RBFOX1: variants seen among roughly 807,000 people sequenced by gnomAD.
RBFOX1 encodes the protein RNA binding protein fox-1 homolog 1.
A neutral mutation model predicts 57.7 loss-of-function variants in RBFOX1; 8 were observed. The ratio of observed to expected loss-of-function variants is 0.14; its 90% confidence interval spans 0.08 to 0.25. RBFOX1 has a LOEUF of 0.25. Among genes scored for constraint, RBFOX1 ranks in the 10% least tolerant of loss-of-function variants. The pLI, the probability that RBFOX1 is intolerant of heterozygous loss-of-function variation, is 1.00. For missense variants in RBFOX1, 611 were observed against 548.5 expected, an observed-to-expected ratio of 1.11 and a Z score of -1.14; for synonymous variants, 326 against 222.4, an observed-to-expected ratio of 1.47 and a Z score of -4.15.
chr16:7,523,210 T>G (rs939759519), intron 5 of RBFOX1, among the ~76,000 whole-genome samples: 1 of 152,248 alleles, frequency 6.6e-6, no homozygotes, highest in Non-Finnish European at 1.5e-5. Flanking sequence ...TGCATGGATA[T>G]GCCACAGTTT....
intron 3 of RBFOX1, among the ~76,000 whole-genome samples, chr16:6,926,692 A>C (rs565669231): frequency 2.6e-5 from 4 of 152,246 alleles, no homozygotes; most frequent in East Asian, 1.9e-4. Flanking sequence ...TAAAAATGCT[A>C]CTTAGCTCTT....
chr16:7,708,687 A>G (rs996418558), intron 14 of RBFOX1, among the ~76,000 whole-genome samples: 4 of 152,196 alleles, frequency 2.6e-5, no homozygotes, highest in African/African-American at 7.2e-5. Context: ...CTTGAGAATT[A>G]AAATACCCTC....
chr16:6,727,265 G>C (rs547859774), intron 3 of RBFOX1, among the ~76,000 whole-genome samples: 7 of 151,872 alleles, frequency 4.6e-5, no homozygotes, highest in Non-Finnish European at 8.8e-5. Context: ...GGTAATAATA[G>C]GTTAATGTAA....
intron 2 of RBFOX1, among the ~76,000 whole-genome samples, chr16:6,489,112 T>G (rs1376398665): frequency 1.3e-5 from 2 of 152,164 alleles, no homozygotes; most frequent in African/African-American, 4.8e-5. Flanking sequence ...GTGCCCTATT[T>G]TTTTCCAATT....
intron 3 of RBFOX1, among the ~76,000 whole-genome samples, chr16:6,741,693 G>A (rs569075025): frequency 1.3e-5 from 2 of 151,758 alleles, no homozygotes; most frequent in African/African-American, 4.8e-5. Flanking sequence ...AATTAAGGAT[G>A]TGGTCTCTGA....
chr16:6,184,267 T>G (rs973958227), intron 1 of RBFOX1, among the ~76,000 whole-genome samples: 1 of 152,066 alleles, frequency 6.6e-6, no homozygotes, highest in Non-Finnish European at 1.5e-5. Context: ...CCAAACCATA[T>G]CAGAGGATGT....
chr16:6,813,820 G>C (rs1172817979), intron 3 of RBFOX1, among the ~76,000 whole-genome samples: 2 of 152,148 alleles, frequency 1.3e-5, no homozygotes, highest in East Asian at 3.9e-4. Flanking sequence ...GTGAAGGGAG[G>C]AGGCGCTGTT....
At chr16:5,384,346 A>G (rs901917864) in intron 1 of RBFOX1, among the ~76,000 whole-genome samples, 1 of 152,230 alleles carries the variant, frequency 6.6e-6, no homozygotes, top group African/African-American at 2.4e-5. Context: ...TATAATGGGC[A>G]TACAGTCTGG....
intron 4 of RBFOX1, among the ~76,000 whole-genome samples, chr16:7,408,436 G>T (rs1053015069): frequency 1.3e-5 from 2 of 152,198 alleles, no homozygotes; most frequent in African/African-American, 4.8e-5. Flanking sequence ...GGGAGAAACA[G>T]TGCATCTCTG....
chr16:6,979,971 G>C (rs904976658), intron 3 of RBFOX1, among the ~76,000 whole-genome samples: 1 of 152,096 alleles, frequency 6.6e-6, no homozygotes, highest in Non-Finnish European at 1.5e-5. Flanking sequence ...TTTCCTGTTG[G>C]AGTGGGTACC....
intron 3 of RBFOX1, among the ~76,000 whole-genome samples, chr16:5,856,187 CTATATATATATA>C (rs1200113050): frequency 9.7e-5 from 3 of 31,064 alleles, no homozygotes; most frequent in Non-Finnish European, 1.7e-4. Context: ...CTCTCTCTCT[CTATATATATATA>C]TATATATACA....
chr16:6,523,627 A>T (rs576183494), intron 2 of RBFOX1, among the ~76,000 whole-genome samples: 1 of 152,246 alleles, frequency 6.6e-6, no homozygotes, highest in African/African-American at 2.4e-5. Context: ...CATTCTCAAG[A>T]TTTTATCCAA....
chr16:7,202,448 C>G (rs8059700), intron 4 of RBFOX1, among the ~76,000 whole-genome samples: 27,295 of 151,958 alleles, frequency 0.18, 2,655 homozygotes, highest in East Asian at 0.37. Flanking sequence ...AATAGAACTG[C>G]CAGATGATCC....
chr16:7,496,735 G>C (rs1311068096), intron 4 of RBFOX1, among the ~76,000 whole-genome samples: 4 of 68,558 alleles, frequency 5.8e-5, no homozygotes, highest in East Asian at 5.0e-4. Context: ...TCATAGAAAA[G>C]ACTACAGAAC....
chr16:5,521,386 A>T (rs989524302), intron 2 of RBFOX1, among the ~76,000 whole-genome samples: 4 of 152,164 alleles, frequency 2.6e-5, no homozygotes, highest in African/African-American at 9.7e-5. Flanking sequence ...TGGAAAAAGA[A>T]AAAAGATCAT....
chr16:6,617,174 G>T (rs953863500), intron 2 of RBFOX1, among the ~76,000 whole-genome samples: 2 of 151,906 alleles, frequency 1.3e-5, no homozygotes, highest in Admixed American at 6.6e-5. Context: ...ATAAGCACTT[G>T]TCCACCTTGA....
At chr16:6,389,708 C>G (rs2152930428) in intron 2 of RBFOX1, among the ~76,000 whole-genome samples, 1 of 152,238 alleles carries the variant, frequency 6.6e-6, no homozygotes, top group South Asian at 2.1e-4. Flanking sequence ...GAACCTCGTG[C>G]TCAAAAATTC....
chr16:7,536,035 A>C (rs531514544), intron 5 of RBFOX1, among the ~76,000 whole-genome samples: 1 of 152,278 alleles, frequency 6.6e-6, no homozygotes, highest in South Asian at 2.1e-4. Flanking sequence ...GAATACACAC[A>C]CACGTCACTC....
At chr16:6,820,007 C>T (rs572096116) in intron 3 of RBFOX1, among the ~76,000 whole-genome samples, 81 of 152,252 alleles carry the variant, frequency 5.3e-4, no homozygotes, top group Non-Finnish European at 8.5e-4. Context: ...TTGTAGTTCC[C>T]ATAATCCCCA....
Sources: allele counts gnomAD v4.1 joint callset (sites outside exome capture counted in the v4.1 genomes callset), GRCh38; gene constraint gnomAD v4.1.1; transcripts MANE v1.5; gene names NCBI Gene and HGNC (gene_info 2026-07-23, HGNC 2026-07-21).